Variants in EXD3 observed in about 807,000 individuals in gnomAD.
EXD3 encodes the protein exonuclease mut-7 homolog.
In EXD3, 92 loss-of-function variants were observed where a neutral mutation model predicts 98.0. That is an observed-to-expected ratio of 0.94 (90% CI 0.79 to 1.12). The LOEUF is 1.12. Ranked by LOEUF, EXD3 falls within the 50% of genes most tolerant of loss-of-function variation. EXD3 has a pLI of 0.00. For missense variants in EXD3, 1,222 were observed against 1,191.6 expected (o/e 1.03, Z -0.38); for synonymous variants, 569 against 526.0 (o/e 1.08, Z -1.12).
At chr9:137,379,865 C>T (rs914289902) in intron 3 of EXD3, among the ~76,000 whole-genome samples, 2 of 152,064 alleles carry the variant, frequency 1.3e-5, no homozygotes, top group Non-Finnish European at 2.9e-5. Flanking sequence ...AATCCTGGCC[C>T]TCCAGACCCC....
rs73583524 is a variant in EXD3 at position 137,373,886 on chromosome 9, G to A, written c.121-287C>T. Among the ~76,000 whole-genome samples, 509 of 152,374 alleles carry A rather than the reference G, an allele frequency of 3.3e-3. 4 individuals carry two copies. Among genetic ancestry groups the A allele is most frequent in the African/African-American group, 0.012 (479 of 41,592 alleles). ...CTGGCCTGGGAGGCAACCGTAGCCC[G>A]AGCCACAGGTTCACAAGTCACTTTA... On this transcript the variant is annotated intron_variant, in intron 3 of 21. Transcript: ENST00000340951.
intron 17 of EXD3, among the ~76,000 whole-genome samples, chr9:137,335,891 G>A (rs1473108778): frequency 6.6e-6 from 1 of 151,884 alleles, no homozygotes; most frequent in African/African-American, 2.4e-5. Flanking sequence ...ACTAACCTAA[G>A]TATCCATCAA....
intron 3 of EXD3, among the ~76,000 whole-genome samples, chr9:137,376,316 C>T (rs1275526869): frequency 7.1e-6 from 1 of 141,730 alleles, no homozygotes; most frequent in Non-Finnish European, 1.5e-5. Flanking sequence ...TGCACTCCAG[C>T]CTGGGCGACA....
intron 1 of EXD3, among the ~76,000 whole-genome samples, chr9:137,416,391 C>A (rs909453432): frequency 1.3e-4 from 20 of 152,368 alleles, no homozygotes; most frequent in African/African-American, 4.8e-4. Flanking sequence ...GGCCGGGCAC[C>A]CCCAGGTCCA....
intron 7 of EXD3, among the ~76,000 whole-genome samples, chr9:137,362,064 T>A (rs1045912913): frequency 1.3e-5 from 2 of 152,196 alleles, no homozygotes; most frequent in Non-Finnish European, 2.9e-5. Flanking sequence ...AGCCCTATTT[T>A]AAGGAAAATG....
intron 19 of EXD3, among the ~76,000 whole-genome samples, 184 bp downstream of exon 19, chr9:137,323,541 C>T (rs1319600767): frequency 5.7e-5 from 6 of 105,508 alleles, no homozygotes; most frequent in African/African-American, 1.7e-4. Context: ...GATGATCTGC[C>T]GACACCTCAC....
intron 19 of EXD3, among the ~76,000 whole-genome samples, chr9:137,315,644 C>A (rs918312389): frequency 6.6e-6 from 1 of 152,116 alleles, no homozygotes; most frequent in African/African-American, 2.4e-5. Flanking sequence ...GACACAAAGC[C>A]CCGTAGTGTG....
chr9:137,328,813 TACACAGGGTC>T lies in EXD3; in HGVS notation c.1999-4680_1999-4671del, dbSNP rs1376544640. Among the ~76,000 whole-genome samples, 16 of 39,730 alleles carry T rather than the reference TACACAGGGTC, an allele frequency of 4.0e-4. 1 individual carries two copies. Among genetic ancestry groups the T allele is most frequent in the African/African-American group, 2.2e-3 (15 of 6,876 alleles). The allele number at this position is 39,730 out of a possible 152,430, so 26.1% of individuals were successfully genotyped here. A position where few individuals can be genotyped will look rare whatever the true frequency, so the allele number is the denominator to read the frequency against. On this transcript the variant is annotated intron_variant, in intron 17 of 21. Transcript: ENST00000340951. ...GGGACTACACGGGGCTACACGGGACTACACAGGGTCACACGGGACTACACGGGACTACACG... is the reference window on the plus strand; with the variant it reads ...GGGACTACACGGGGCTACACGGGACTACACGGGACTACACGGGACTACACG...
chr9:137,367,876 T>C (rs1212886119), intron 6 of EXD3, 60 bp downstream of exon 6: 2 of 1,525,104 alleles, frequency 1.3e-6, no homozygotes, highest in Non-Finnish European at 1.8e-6. Flanking sequence ...ACACTGTTTA[T>C]AGAGACCTGG....
At chr9:137,338,106 C>T (rs374726918) in intron 17 of EXD3, among the ~76,000 whole-genome samples, 34 of 152,270 alleles carry the variant, frequency 2.2e-4, no homozygotes, top group African/African-American at 8.2e-4. Flanking sequence ...TATCCTTTTA[C>T]AGTCCATGTG....
chr9:137,354,006 G>C, intron 10 of EXD3: 1 of 1,139,844 alleles, frequency 8.8e-7, no homozygotes. Context: ...TTCCGGCCTC[G>C]CCCAGGCGCC....
At chr9:137,354,271 C>T (rs780707224) in intron 10 of EXD3, 68 bp downstream of exon 10, 130 of 1,585,688 alleles carry the variant, frequency 8.2e-5, no homozygotes, top group Non-Finnish European at 6.7e-5. Context: ...CAGGAGGCTC[C>T]GGGCCTGTGC....
At chr9:137,345,126 C>T (rs11531966) in intron 17 of EXD3, among the ~76,000 whole-genome samples, 89,337 of 152,194 alleles carry the variant, frequency 0.59, 30,055 homozygotes, top group East Asian at 0.78. Flanking sequence ...AGCCCCATGG[C>T]GTTTCCCGCC....
At chr9:137,414,197 G>A (rs1260444302) in intron 1 of EXD3, among the ~76,000 whole-genome samples, 1 of 152,090 alleles carries the variant, frequency 6.6e-6, no homozygotes, top group Non-Finnish European at 1.5e-5. Context: ...GATTACAGGC[G>A]TGAGCCACCG....
chr9:137,420,156 C>T (rs531736089), intron 1 of EXD3, among the ~76,000 whole-genome samples: 2 of 150,904 alleles, frequency 1.3e-5, no homozygotes, highest in South Asian at 2.1e-4. Context: ...GGAGACTCCG[C>T]CTAAAAAAAA....
rs1028400115 is a variant in EXD3, at chr9:137,395,224, C to T, written c.55+79G>A. ...CCCTCGTCACTGAGTACACAGTGGG[C>T]GCCACCACCCCCCATGCACACCCAC... is the stretch of plus-strand genomic sequence containing the variant. On this transcript the variant is annotated intron_variant, in intron 2 of 21. Coordinates refer to ENST00000340951, the MANE Select transcript of EXD3 (RefSeq NM_017820.5). The surrounding 1 kb of genome is among the most constrained non-coding windows in gnomAD (Gnocchi z 6.5). 25 of 1,306,100 alleles carry T rather than the reference C, an allele frequency of 1.9e-5. No homozygotes were observed. The highest frequency in any genetic ancestry group is 8.5e-5 in the Admixed American group (5 of 59,096). The allele number at this position is 1,306,100 out of a possible 1,614,324, so 80.9% of individuals were successfully genotyped here. A position where few individuals can be genotyped will look rare whatever the true frequency, so the allele number is the denominator to read the frequency against.
At chr9:137,355,075 C>T (rs138072615) in intron 8 of EXD3, among the ~76,000 whole-genome samples, 215 of 152,308 alleles carry the variant, frequency 1.4e-3, no homozygotes, top group African/African-American at 4.0e-3. Context: ...TTGGCATCTG[C>T]GTTTGTGCCC....
intron 1 of EXD3, among the ~76,000 whole-genome samples, chr9:137,408,415 C>T (rs763282045): frequency 1.3e-5 from 2 of 151,802 alleles, no homozygotes; most frequent in African/African-American, 2.4e-5. Context: ...GGCGTGGTGG[C>T]GGGCGCCTGT....
rs543327027 is a variant in EXD3 at position 137,315,109 on chromosome 9, G to A, written c.2185-5409C>T. 2.6e-5 allele frequency among the ~76,000 whole-genome samples: 4 copies of A among 152,304 alleles called. No individual in the cohort carries two copies. The East Asian group carries it at 7.7e-4, about 29-fold the overall frequency. ...CCAGCCCTGCCTGGCCCACCAGGCT[G>A]CCCCCAAGGCTTGCTTAGCAGGGTG... On this transcript the variant is annotated intron_variant, in intron 19 of 21. Coordinates refer to ENST00000340951, the MANE Select transcript of EXD3 (RefSeq NM_017820.5).
Sources: gnomAD v4.1 joint callset for allele counts (sites outside exome capture counted in the v4.1 genomes callset) on GRCh38, gnomAD v4.1.1 for gene constraint, Gnocchi (gnomAD v3.1) non-coding constraint, MANE v1.5 for transcripts, NCBI Gene and HGNC (gene_info 2026-07-23, HGNC 2026-07-21) for gene names.